AKAP19: variants seen among roughly 807,000 people sequenced by gnomAD.
The protein encoded by AKAP19 is A-kinase anchoring protein 19.
chr2:189,969,329 G>A, the AKAP19 span, among the ~76,000 whole-genome samples: 3 of 152,104 alleles, frequency 2.0e-5, no homozygotes, highest in Non-Finnish European at 2.9e-5. Context: ...CTCACCAGAC[G>A]CTGAATCTGC....
the AKAP19 span, among the ~76,000 whole-genome samples, chr2:190,145,904 TAAATC>T: frequency 2.7e-5 from 4 of 149,700 alleles, no homozygotes; most frequent in African/African-American, 7.3e-5. Context: ...TTCCTAGAAA[TAAATC>T]AAAGGTAAAT....
chr2:190,172,070 T>C, the AKAP19 span, among the ~76,000 whole-genome samples: 1 of 152,214 alleles, frequency 6.6e-6, no homozygotes, highest in African/African-American at 2.4e-5. Context: ...CCTTGCTAGT[T>C]ATTCTCTCAT....
At chr2:189,969,512 C>T in the AKAP19 span, among the ~76,000 whole-genome samples, 8 of 151,872 alleles carry the variant, frequency 5.3e-5, no homozygotes, top group South Asian at 4.2e-4. Context: ...GGGTGGATCA[C>T]GAGGCCAGGA....
At chr2:190,174,849 G>A in the AKAP19 span, among the ~76,000 whole-genome samples, 1 of 152,166 alleles carries the variant, frequency 6.6e-6, no homozygotes, top group Non-Finnish European at 1.5e-5. Context: ...ATAGAAGCTT[G>A]GATTCATGGG....
chr2:190,187,409 CTTT>C, the AKAP19 span, among the ~76,000 whole-genome samples: 7 of 131,290 alleles, frequency 5.3e-5, no homozygotes, highest in Non-Finnish European at 6.5e-5. Flanking sequence ...TTAGAAGTTA[CTTT>C]TTTTTTTTTT....
chr2:189,982,800 G>A, the AKAP19 span, among the ~76,000 whole-genome samples: 1 of 152,028 alleles, frequency 6.6e-6, no homozygotes, highest in Non-Finnish European at 1.5e-5. Flanking sequence ...TTTGGTTCTG[G>A]GTAGTATCTG....
At chr2:190,111,007 T>G in the AKAP19 span, among the ~76,000 whole-genome samples, 2 of 152,164 alleles carry the variant, frequency 1.3e-5, no homozygotes, top group African/African-American at 4.8e-5. Context: ...TCTTTATGAC[T>G]CTTAATCTTT....
the AKAP19 span, among the ~76,000 whole-genome samples, chr2:190,180,096 T>C: frequency 6.6e-6 from 1 of 152,228 alleles, no homozygotes; most frequent in East Asian, 1.9e-4. This position sits in a 1 kb window ranked among gnomAD's most constrained non-coding sequence, Gnocchi z 6.8. Flanking sequence ...TATTTCTGTA[T>C]GGAAAAGTAT....
chr2:189,924,682 TG>T, the AKAP19 span, among the ~76,000 whole-genome samples: 1 of 152,144 alleles, frequency 6.6e-6, no homozygotes, highest in Non-Finnish European at 1.5e-5. Flanking sequence ...GTGTGCTGTG[TG>T]GGGCAGTTCA....
the AKAP19 span, among the ~76,000 whole-genome samples, chr2:189,976,149 G>A: frequency 3.3e-5 from 5 of 152,168 alleles, no homozygotes; most frequent in Non-Finnish European, 5.9e-5. Flanking sequence ...CGTACAGATG[G>A]GGTTTTGGTG....
the AKAP19 span, among the ~76,000 whole-genome samples, chr2:189,941,038 T>G: frequency 6.6e-6 from 1 of 152,198 alleles, no homozygotes; most frequent in Non-Finnish European, 1.5e-5. Flanking sequence ...AAAGGAGGTT[T>G]AATTCATTGG....
the AKAP19 span, among the ~76,000 whole-genome samples, chr2:190,061,040 C>T: frequency 1.3e-4 from 20 of 151,974 alleles, no homozygotes; most frequent in African/African-American, 4.8e-4. Flanking sequence ...CTGAAAAGTT[C>T]GAAAGTATTG....
chr2:190,050,243 C>T, the AKAP19 span, among the ~76,000 whole-genome samples: 2 of 152,126 alleles, frequency 1.3e-5, no homozygotes, highest in Admixed American at 6.5e-5. Context: ...GGACATGTTG[C>T]CTGCCTGAGA....
At chr2:190,161,691 G>A in the AKAP19 span, among the ~76,000 whole-genome samples, 5 of 152,160 alleles carry the variant, frequency 3.3e-5, no homozygotes, top group East Asian at 7.7e-4. Flanking sequence ...CAGGAACTGA[G>A]GAGTAGAAGT....
At chr2:189,968,389 G>A in the AKAP19 span, among the ~76,000 whole-genome samples, 1 of 151,948 alleles carries the variant, frequency 6.6e-6, no homozygotes, top group African/African-American at 2.4e-5. Context: ...AGGCAAGTAC[G>A]ACTATGCCTG....
chr2:190,192,362 A>T, the AKAP19 span, among the ~76,000 whole-genome samples: 1 of 151,870 alleles, frequency 6.6e-6, no homozygotes, highest in Non-Finnish European at 1.5e-5. Flanking sequence ...GTCATTCTTA[A>T]CATTAGATAA....
chr2:190,066,923 CT>C, the AKAP19 span, among the ~76,000 whole-genome samples: 5 of 152,162 alleles, frequency 3.3e-5, no homozygotes, highest in Non-Finnish European at 5.9e-5. Flanking sequence ...GACACAATCA[CT>C]GTCTTCAGGA....
the AKAP19 span, among the ~76,000 whole-genome samples, chr2:190,122,918 T>C: frequency 7.0e-4 from 106 of 152,104 alleles, no homozygotes; most frequent in Admixed American, 8.5e-4. Context: ...CATGCTATCT[T>C]CCTACTTTGG....
At chr2:190,003,657 G>C in the AKAP19 span, among the ~76,000 whole-genome samples, 75 of 152,112 alleles carry the variant, frequency 4.9e-4, no homozygotes, top group Middle Eastern at 6.8e-3. Flanking sequence ...TGAGACCAGG[G>C]GTTCAAGACC....
Sources: allele counts gnomAD v4.1 joint callset (sites outside exome capture counted in the v4.1 genomes callset), GRCh38; gene constraint gnomAD v4.1.1; non-coding constraint Gnocchi (gnomAD v3.1); transcripts MANE v1.5; gene names NCBI Gene and HGNC (gene_info 2026-07-23, HGNC 2026-07-21).